Variants in ALG1L2 observed in about 807,000 individuals in gnomAD.
ALG1L2 encodes ALG1 chitobiosyldiphosphodolichol beta-mannosyltransferase like 2.
ALG1L2 carries 32 observed loss-of-function variants against 29.0 expected under a neutral mutation model. The ratio of observed to expected loss-of-function variants is 1.10; its 90% CI spans 0.83 to 1.48. The LOEUF is 1.48. Among genes scored for constraint, ALG1L2 ranks in the 40% most tolerant of loss-of-function variants. The pLI is 0.00. For synonymous variants in ALG1L2, 110 were observed against 109.5 expected (o/e 1.00, Z -0.03); for missense variants, 318 against 274.1 (o/e 1.16, Z -1.13).
chr3:130,096,259 G>C (rs1577330656), intron 6 of ALG1L2, 96 bp downstream of exon 6: 2 of 1,429,534 alleles, frequency 1.4e-6, no homozygotes, highest in Non-Finnish European at 1.9e-6. Flanking sequence ...GTGAGGCCCT[G>C]CCCCTCGGTC....
At position 130,082,020 on chromosome 3, in the gene ALG1L2, G is replaced by C; in HGVS notation, c.4G>C (p.Gly2Arg). Reference sequence around the variant, plus strand: ...CTGAATTTTAACCTGAAGGGACATGGGAGCTACTGCAGGCTGGTAAGCAGG... The same window carrying C: ...CTGAATTTTAACCTGAAGGGACATGCGAGCTACTGCAGGCTGGTAAGCAGG... The part of the protein sequence containing the change: M[G>R]ATAGWAVTVY... Residue 2 changes from glycine to arginine, a missense_variant, in exon 1 of 8, where the codon GGA (glycine) becomes CGA (arginine). Physicochemically the swap from Gly to Arg is moderately radical, Grantham distance 125. Coordinates refer to ENST00000425059, the MANE Select transcript of ALG1L2 (RefSeq NM_001136152.1). The C allele has an allele frequency of 6.6e-7, 1 of 1,506,142 alleles. No individual in the cohort carries two copies. Among genetic ancestry groups the C allele is most frequent in the Non-Finnish European group, 9.0e-7 (1 of 1,110,524 alleles). The allele number at this position is 1,506,142 out of a possible 1,614,324, so 93.3% of individuals were successfully genotyped here.
intron 5 of ALG1L2, among the ~76,000 whole-genome samples, chr3:130,095,153 G>A (rs1047789303): frequency 5.9e-5 from 9 of 152,048 alleles, no homozygotes; most frequent in African/African-American, 1.5e-4. Flanking sequence ...TCAGCCTCCC[G>A]AGTAGATTAC....
At chr3:130,083,395 G>C (rs1934827762) in intron 1 of ALG1L2, among the ~76,000 whole-genome samples, 1 of 128,944 alleles carries the variant, frequency 7.8e-6, no homozygotes, top group African/African-American at 2.6e-5. Context: ...AGTGAGCTGA[G>C]ATCTCACCCT....
chr3:130,095,952 T>A, intron 5 of ALG1L2, 97 bp from the exon 6 acceptor site: 2 of 1,349,896 alleles, frequency 1.5e-6, no homozygotes, highest in Non-Finnish European at 2.1e-6. Flanking sequence ...TTATCCAATT[T>A]TCACTCCCCT....
rs773004441 is a variant in ALG1L2 at position 130,097,162 on chromosome 3, G to A, written c.540-13G>A. On this transcript the variant is annotated splice_polypyrimidine_tract_variant and intron_variant, in intron 6 of 7. Transcript: ENST00000425059. ...TCCAGGAAACTCTCGGGCTCCTTTT[G>A]TTCTCTCTGCAGTTTACATGAGCTG... 6.2e-6 allele frequency: 10 copies of A among 1,611,796 alleles called. No homozygotes were observed. The highest frequency in any genetic ancestry group is 4.5e-5 in the East Asian group (2 of 44,878).
chr3:130,096,972 G>A lies in ALG1L2; in HGVS notation c.540-203G>A, dbSNP rs372701142. 2.2e-4 allele frequency among the ~76,000 whole-genome samples: 33 copies of A among 151,600 alleles called. No individual in the cohort carries two copies. In the East Asian group the frequency reaches 2.7e-3, roughly 13 times the overall value. ...TTCCTTAAGGCTCTCTCCTCAAATC[G>A]GTTTGACCATTTTGATGTGCACCCC... On this transcript the variant is annotated intron_variant, in intron 6 of 7. Transcript: ENST00000425059.
chr3:130,087,617 A>T lies in ALG1L2; in HGVS notation c.21-3644A>T, dbSNP rs1321442070. ...CAGGAATATTTAGGGGTAAAGGATA[A>T]CTCTTCTGCCACTTGGAAAATAATA... On this transcript the variant is annotated intron_variant, in intron 1 of 7. Transcript: ENST00000425059. Among the ~76,000 whole-genome samples, 2 of 134,880 alleles carry T rather than the reference A, an allele frequency of 1.5e-5. 1 individual carries two copies. The highest frequency in any genetic ancestry group is 5.0e-5 in the African/African-American group (2 of 39,690). 88.5% of individuals were successfully genotyped at this position (134,880 alleles called of 152,430 possible).
intron 1 of ALG1L2, among the ~76,000 whole-genome samples, 195 bp downstream of exon 1, chr3:130,082,231 G>T (rs1288905812): frequency 4.1e-5 from 6 of 145,376 alleles, no homozygotes; most frequent in Admixed American, 3.5e-4. Flanking sequence ...TGAATTCATG[G>T]GTGTTTGGCC....
intron 6 of ALG1L2, 52 bp from the exon 7 acceptor site, chr3:130,097,123 G>A: frequency 6.2e-7 from 1 of 1,601,000 alleles, no homozygotes; most frequent in Admixed American, 1.7e-5. Flanking sequence ...GCACCCCAGG[G>A]GTCTAGTGTC....
At chr3:130,092,034 G>A in intron 2 of ALG1L2, 67 bp from the exon 3 acceptor site, 4 of 1,591,782 alleles carry the variant, frequency 2.5e-6, no homozygotes, top group Non-Finnish European at 2.6e-6. Context: ...ACCATGGCAG[G>A]AGATGCCCGT....
intron 1 of ALG1L2, among the ~76,000 whole-genome samples, chr3:130,083,921 G>A (rs1334263633): frequency 6.6e-6 from 1 of 151,120 alleles, no homozygotes; most frequent in Admixed American, 6.6e-5. Context: ...GGAAGATAGA[G>A]GATTTAGGCA....
intron 3 of ALG1L2, among the ~76,000 whole-genome samples, chr3:130,092,582 G>C (rs1292875972): frequency 1.3e-5 from 2 of 152,102 alleles, no homozygotes; most frequent in Non-Finnish European, 2.9e-5. Flanking sequence ...GGTGGAGGTG[G>C]GCCGCCCTGA....
At chr3:130,090,425 C>T (rs1170861364) in intron 1 of ALG1L2, among the ~76,000 whole-genome samples, 1 of 152,272 alleles carries the variant, frequency 6.6e-6, no homozygotes, top group African/African-American at 2.4e-5. Context: ...AGCTTTGGAC[C>T]CTGAATACCC....
At chr3:130,097,303 C>T (rs541868178) in intron 7 of ALG1L2, 53 bp downstream of exon 7, 185 of 1,592,018 alleles carry the variant, frequency 1.2e-4, no homozygotes, top group South Asian at 1.1e-3. Flanking sequence ...AGACTGGCAC[C>T]GAGCCATGCT....
At chr3:130,084,010 A>G (rs1193040261) in intron 1 of ALG1L2, among the ~76,000 whole-genome samples, 1 of 151,572 alleles carries the variant, frequency 6.6e-6, no homozygotes, top group Non-Finnish European at 1.5e-5. Flanking sequence ...GGCTTTGTGA[A>G]TCTGTTGTGG....
At chr3:130,095,307 A>G (rs570692844) in intron 5 of ALG1L2, among the ~76,000 whole-genome samples, 4 of 151,910 alleles carry the variant, frequency 2.6e-5, no homozygotes, top group Non-Finnish European at 5.9e-5. Flanking sequence ...CTGGGATTCC[A>G]GGTGTGACCC....
At chr3:130,097,335 G>C in intron 7 of ALG1L2, 85 bp downstream of exon 7, 1 of 1,560,308 alleles carries the variant, frequency 6.4e-7, no homozygotes, top group South Asian at 1.2e-5. Context: ...GTTTCACACA[G>C]CCAGGGTGGG....
At chr3:130,095,010 G>A (rs541087316) in intron 5 of ALG1L2, among the ~76,000 whole-genome samples, 2 of 152,318 alleles carry the variant, frequency 1.3e-5, no homozygotes, top group African/African-American at 4.8e-5. Context: ...GCTGTTGGAG[G>A]CTGAGGGCCT....
intron 1 of ALG1L2, among the ~76,000 whole-genome samples, chr3:130,085,359 G>T (rs74467681): frequency 5.4e-5 from 3 of 55,202 alleles, no homozygotes; most frequent in African/African-American, 1.5e-4. Flanking sequence ...GCCTCCCAAA[G>T]TGCTAGGATT....
Sources: gnomAD v4.1 joint callset for allele counts (sites outside exome capture counted in the v4.1 genomes callset) on GRCh38, gnomAD v4.1.1 for gene constraint, MANE v1.5 for transcripts, NCBI Gene and HGNC (gene_info 2026-07-23, HGNC 2026-07-21) for gene names.